Variants in LIFR observed in about 807,000 individuals in gnomAD.
LIFR encodes the protein LIF receptor subunit alpha.
LIFR carries 84 observed loss-of-function variants against 122.2 expected under a neutral mutation model. The observed-to-expected ratio is 0.69, with a 90% CI of 0.58 to 0.82. LIFR has a LOEUF of 0.82. Ranked by LOEUF, LIFR falls within the 40% of genes least tolerant of loss-of-function variation. The probability of loss-of-function intolerance (pLI) is 0.00; values close to 1 mark genes in which losing one functional copy is unlikely to be tolerated. For synonymous variants in LIFR, 422 were observed against 434.7 expected (o/e 0.97, Z 0.36); for missense variants, 1,294 against 1,311.6 (o/e 0.99, Z 0.21).
chr5:38,510,041 C>T (rs1051329524), intron 7 of LIFR, among the ~76,000 whole-genome samples: 1 of 152,104 alleles, frequency 6.6e-6, no homozygotes, highest in Non-Finnish European at 1.5e-5. Flanking sequence ...TGTTATGCTA[C>T]TGAAAGATTT....
At chr5:38,504,290 T>C (rs1016035306) in intron 9 of LIFR, among the ~76,000 whole-genome samples, 169 bp from the exon 10 acceptor site, 36 of 151,882 alleles carry the variant, frequency 2.4e-4, no homozygotes, top group African/African-American at 8.2e-4. Context: ...ACTACTGACA[T>C]CTTGCCAACA....
At chr5:38,491,391 A>T (rs1355661804) in intron 14 of LIFR, among the ~76,000 whole-genome samples, 1 of 152,234 alleles carries the variant, frequency 6.6e-6, no homozygotes, top group Non-Finnish European at 1.5e-5. Context: ...AGAGGTATGT[A>T]TCAGATGCCA....
chr5:38,595,246 C>T (rs200244956), intron 1 of LIFR: 1 of 157,324 alleles, frequency 6.4e-6, no homozygotes, highest in Non-Finnish European at 1.4e-5. Flanking sequence ...GAAGCAAACC[C>T]CAGCAGTGCT....
intron 5 of LIFR, among the ~76,000 whole-genome samples, chr5:38,516,762 G>A (rs2112518197): frequency 6.6e-6 from 1 of 152,224 alleles, no homozygotes; most frequent in South Asian, 2.1e-4. Flanking sequence ...GCACACATAG[G>A]TTTACTGCAG....
In LIFR at chr5:38,537,962, T is replaced by C. The variant is rs576602735; in HGVS notation, c.-19-7296A>G. On this transcript the variant is annotated intron_variant, in intron 1 of 19. Coordinates refer to ENST00000453190, the MANE Select transcript of LIFR (RefSeq NM_001127671.2). The stretch of plus-strand genomic sequence containing the variant: ...TAGATCAGATTTCTCTATTTTGTCC[T>C]TTGTGGTTTCTAACCATAAAGGTTT... Among the ~76,000 whole-genome samples the C allele has an allele frequency of 5.9e-5, 9 of 152,342 alleles. No homozygotes were observed. In the South Asian group the frequency reaches 1.9e-3, roughly 32 times the overall value.
intron 6 of LIFR, among the ~76,000 whole-genome samples, chr5:38,511,255 T>A (rs1254411110): frequency 2.0e-5 from 3 of 152,138 alleles, no homozygotes; most frequent in African/African-American, 7.2e-5. Flanking sequence ...ATCCATAGAG[T>A]GATCTATCTC....
At chr5:38,588,538 A>G (rs935522629) in intron 1 of LIFR, among the ~76,000 whole-genome samples, 2 of 152,194 alleles carry the variant, frequency 1.3e-5, no homozygotes, top group African/African-American at 4.8e-5. Flanking sequence ...TTTCTTCCCT[A>G]CTTGTTTTTT....
At chr5:38,585,982 G>A (rs2112750982) in intron 1 of LIFR, among the ~76,000 whole-genome samples, 1 of 151,866 alleles carries the variant, frequency 6.6e-6, no homozygotes, top group East Asian at 1.9e-4. Flanking sequence ...CTGCAACTGG[G>A]CTAATAGGAA....
intron 1 of LIFR, among the ~76,000 whole-genome samples, chr5:38,575,695 C>A (rs946865334): frequency 2.6e-5 from 4 of 152,114 alleles, no homozygotes; most frequent in African/African-American, 7.2e-5. Flanking sequence ...TTACACAGTC[C>A]GCTGATCCAG....
At chr5:38,581,907 T>G (rs1213504116) in intron 1 of LIFR, among the ~76,000 whole-genome samples, 1 of 152,168 alleles carries the variant, frequency 6.6e-6, no homozygotes, top group Non-Finnish European at 1.5e-5. Context: ...TTTTCCCCAT[T>G]CTTCAAACCT....
chr5:38,492,517 G>A (rs962251811), intron 14 of LIFR, among the ~76,000 whole-genome samples: 1 of 152,148 alleles, frequency 6.6e-6, no homozygotes, highest in Non-Finnish European at 1.5e-5. Flanking sequence ...TCCTTGATAA[G>A]TACAGTGCAC....
intron 1 of LIFR, among the ~76,000 whole-genome samples, chr5:38,542,025 T>C (rs1289688753): frequency 2.0e-5 from 3 of 152,250 alleles, no homozygotes; most frequent in Non-Finnish European, 2.9e-5. Flanking sequence ...CCTCCAGTGG[T>C]ATTAAAATTG....
At chr5:38,564,765 CACACACACACACAT>C (rs1338399218) in intron 1 of LIFR, among the ~76,000 whole-genome samples, 7 of 149,626 alleles carry the variant, frequency 4.7e-5, no homozygotes, top group African/African-American at 1.5e-4. Context: ...CACACACACA[CACACACACACACAT>C]ATATTTTTTT....
At chr5:38,483,645 G>C (rs2731980) in intron 18 of LIFR, among the ~76,000 whole-genome samples, 4 of 152,194 alleles carry the variant, frequency 2.6e-5, no homozygotes, top group African/African-American at 7.2e-5. Context: ...TGGCCAGGAT[G>C]GTCTCGATCT....
Position 38,475,637 on chromosome 5 carries a change from C to A in LIFR, c.*5958G>T. On this transcript the variant is annotated 3_prime_UTR_variant, in exon 20 of 20. Coordinates refer to ENST00000453190, the MANE Select transcript of LIFR (RefSeq NM_001127671.2). ...TTAAAAAAACATTCATTCTACAAACCTTATAAAAGACAGAAACTTATATCT... is the reference window on the plus strand; with the variant it reads ...TTAAAAAAACATTCATTCTACAAACATTATAAAAGACAGAAACTTATATCT... The A allele has an allele frequency of 5.4e-6, 1 of 185,564 alleles. No individual in the cohort carries two copies. The highest frequency in any genetic ancestry group is 1.1e-5 in the Non-Finnish European group (1 of 87,510). The allele number at this position is 185,564 out of a possible 1,614,324, so 11.5% of individuals were successfully genotyped here. A position where few individuals can be genotyped will look rare whatever the true frequency, so the allele number is the denominator to read the frequency against.
chr5:38,592,396 G>A (rs149372741), intron 1 of LIFR, among the ~76,000 whole-genome samples: 1 of 152,112 alleles, frequency 6.6e-6, no homozygotes, highest in Non-Finnish European at 1.5e-5. Context: ...AGTGGCTCAC[G>A]CCTGTAATCC....
In LIFR at chr5:38,504,102, A is replaced by T. The variant is rs775478564; in HGVS notation, c.1311T>A (p.Thr437=). The T allele has an allele frequency of 1.9e-6, 3 of 1,579,698 alleles. No homozygotes were observed. The Admixed American group carries it at 5.0e-5, about 26-fold the overall frequency. ...ITEKVYPHTP[T]SFKVKDINST... is the part of the protein sequence containing the mutation. ...AATTAATATCCTTCACTTTGAATGA[A>T]GTAGGAGTATGGGGATAAACTGCAA... The change falls in exon 10 of 20, where the codon ACT becomes ACA. Residue 437 remains threonine, a synonymous_variant. Coordinates refer to ENST00000453190, the MANE Select transcript of LIFR (RefSeq NM_001127671.2).
In LIFR at chr5:38,502,765, C is replaced by T. The variant is rs758434012; in HGVS notation, c.1472G>A (p.Ser491Asn). The T allele has an allele frequency of 6.2e-7, 1 of 1,606,808 alleles. No homozygotes were observed. The highest frequency in any genetic ancestry group is 1.3e-5 in the African/African-American group (1 of 74,780). Reference sequence around the variant, plus strand: ...TAACTTGTCCAGAGCAACAAGATAACTTGAATTTTCTACTCCTTTGATTGT... The same window carrying T: ...TAACTTGTCCAGAGCAACAAGATAATTTGAATTTTCTACTCCTTTGATTGT... Reference protein sequence around the residue: ...NVTIKGVENSSYLVALDKLNP... With the variant: ...NVTIKGVENSNYLVALDKLNP... The change falls in exon 11 of 20, where the codon AGT becomes AAT. Residue 491 changes from serine (S) to asparagine (N), a missense_variant. Coordinates refer to ENST00000453190, the MANE Select transcript of LIFR (RefSeq NM_001127671.2).
chr5:38,597,221 G>A (rs1293043694), upstream of LIFR, among the ~76,000 whole-genome samples: 15 of 152,238 alleles, frequency 9.9e-5, no homozygotes, highest in African/African-American at 3.4e-4. Context: ...TGGGTGGTGA[G>A]GAAAGAGCCT....
Sources: gnomAD v4.1 joint callset for allele counts (sites outside exome capture counted in the v4.1 genomes callset) on GRCh38, gnomAD v4.1.1 for gene constraint, MANE v1.5 for transcripts, NCBI Gene and HGNC (gene_info 2026-07-23, HGNC 2026-07-21) for gene names.